The following MROH1 variants were observed in gnomAD, a reference collection of about 807,000 sequenced individuals.
MROH1 encodes the protein maestro heat-like repeat-containing protein family member 1.
In MROH1, 117 loss-of-function variants were observed where a neutral mutation model predicts 116.5. The observed-to-expected ratio is 1.00, with a 90% confidence interval of 0.86 to 1.17. The LOEUF (loss-of-function observed/expected upper bound fraction) is 1.17, where lower values mean the gene tolerates loss of function less well. MROH1 is among the 50% of genes most tolerant of loss of function. MROH1 has a pLI of 0.00. For synonymous variants in MROH1, 921 were observed against 583.9 expected (o/e 1.58, Z -8.32); for missense variants, 1,873 against 1,338.5 (o/e 1.40, Z -6.23).
intron 3 of MROH1, among the ~76,000 whole-genome samples, chr8:144,167,746 A>G (rs1359638853): frequency 6.6e-6 from 1 of 152,146 alleles, no homozygotes; most frequent in Non-Finnish European, 1.5e-5. Context: ...GAGCCATAGG[A>G]TGAGGCTATG....
chr8:144,219,339 G>A (rs1364577448), intron 12 of MROH1, among the ~76,000 whole-genome samples: 1 of 151,910 alleles, frequency 6.6e-6, no homozygotes, highest in East Asian at 1.9e-4. Context: ...GTATTTTTTA[G>A]TACAGAAGGG....
Position 144,247,450 on chromosome 8 carries a change from A to T in MROH1, c.3007+14A>T. The T allele has an allele frequency of 1.3e-6, 1 of 769,730 alleles. No individual in the cohort carries two copies. The highest frequency in any genetic ancestry group is 1.7e-5 in the African/African-American group (1 of 59,028). 47.7% of individuals were successfully genotyped at this position (769,730 alleles called of 1,614,324 possible). ...TCGGCTATGAGGGTGAGCCCTCGTC[A>T]GGAGTGTGGGGGCCAGTGGTCGTGC... On this transcript the variant is annotated intron_variant, in intron 30 of 43. Coordinates refer to ENST00000326134, the MANE Select transcript of MROH1 (RefSeq NM_032450.3).
At position 144,254,895 on chromosome 8, in the gene MROH1, A is replaced by C; in HGVS notation, c.3511A>C (p.Ser1171Arg). Residue 1171 changes from serine (S) to arginine (R), a missense_variant, in exon 34 of 44, where the codon AGT (serine) becomes CGT (arginine). Physicochemically the swap from Ser to Arg is moderately radical, Grantham distance 110. Coordinates refer to ENST00000326134, the MANE Select transcript of MROH1 (RefSeq NM_032450.3). Reference protein sequence around the residue: ...QVLGLLLEKMSRDVPFKESRA... With the variant: ...QVLGLLLEKMRRDVPFKESRA... ...CCTGGGGCTGCTGCTGGAGAAGATGAGTAGGGACGTCCCTTTCAAGGAGAG... is the reference window on the plus strand; with the variant it reads ...CCTGGGGCTGCTGCTGGAGAAGATGCGTAGGGACGTCCCTTTCAAGGAGAG... 1 of 777,870 alleles carries C rather than the reference A, an allele frequency of 1.3e-6. No homozygotes were observed. The allele number at this position is 777,870 out of a possible 1,614,324, so 48.2% of individuals were successfully genotyped here. A position where few individuals can be genotyped will look rare whatever the true frequency, so the allele number is the denominator to read the frequency against.
At chr8:144,207,422 G>A (rs946918526) in intron 12 of MROH1, among the ~76,000 whole-genome samples, 14 of 144,724 alleles carry the variant, frequency 9.7e-5, no homozygotes, top group African/African-American at 3.3e-4. Context: ...TTCTGACCTC[G>A]TGATCTACCC....
At chr8:144,240,040 T>A in intron 18 of MROH1, 61 bp from the exon 19 acceptor site, 1 of 745,282 alleles carries the variant, frequency 1.3e-6, no homozygotes, top group Non-Finnish European at 2.5e-6. Flanking sequence ...GGGCAGGTGC[T>A]GGGCTCTGAG....
Position 144,239,645 on chromosome 8 carries a change from G to A in MROH1, c.1664G>A (p.Gly555Glu), listed in dbSNP as rs1179813421. The change falls in exon 18 of 44, where the codon GGA (glycine) becomes GAA (glutamate). Residue 555 changes from glycine to glutamate, a missense_variant. Coordinates refer to ENST00000326134, the MANE Select transcript of MROH1 (RefSeq NM_032450.3). ...VVSSSPYLGDGRGAAALRLLS... is the reference protein window; with the variant it reads ...VVSSSPYLGDERGAAALRLLS... ...TCTTCCAGCCCCTACCTAGGGGACG[G>A]ACGTGGGGCAGCGGCGCTGCGCCTC... 2.6e-6 allele frequency: 2 copies of A among 769,656 alleles called. No homozygotes were observed. The highest frequency in any genetic ancestry group is 4.8e-6 in the Non-Finnish European group (2 of 413,340). The allele number at this position is 769,656 out of a possible 1,614,324, so 47.7% of individuals were successfully genotyped here. A position where few individuals can be genotyped will look rare whatever the true frequency, so the allele number is the denominator to read the frequency against.
intron 33 of MROH1, chr8:144,252,000 C>T (rs1162081753): frequency 4.3e-6 from 1 of 230,262 alleles, no homozygotes; most frequent in Non-Finnish European, 8.6e-6. Context: ...GTGCCGGGTG[C>T]TGCTGCCCAT....
intron 13 of MROH1, 105 bp downstream of exon 13, chr8:144,220,778 C>CCTTG (rs1836551097): frequency 1.1e-6 from 1 of 951,310 alleles, no homozygotes; most frequent in South Asian, 1.5e-5. Flanking sequence ...CGGCCACCAC[C>CCTTG]CTTGGCTGGA....
rs887149796 is a variant in MROH1 at position 144,259,994 on chromosome 8, C to T, written c.4128C>T (p.Cys1376=). Residue 1376 remains cysteine (C), a synonymous_variant, in exon 38 of 44, where the codon TGC becomes TGT. Coordinates refer to ENST00000326134, the MANE Select transcript of MROH1 (RefSeq NM_032450.3). ...ESLAARQKDT[C]ASVRRLVLRG... is the part of the protein sequence containing the mutation. ...TGGCGGCTCGCCAGAAGGACACATGCGCCAGCGTGCGGAGGCTGGTGCTCC... is the reference window on the plus strand; with the variant it reads ...TGGCGGCTCGCCAGAAGGACACATGTGCCAGCGTGCGGAGGCTGGTGCTCC... 1.3e-4 allele frequency: 93 copies of T among 733,590 alleles called. 1 individual carries two copies. The highest frequency in any genetic ancestry group is 8.6e-4 in the South Asian group (60 of 69,426). 45.4% of individuals were successfully genotyped at this position (733,590 alleles called of 1,614,324 possible).
Position 144,168,404 on chromosome 8 carries a change from C to T in MROH1, c.132C>T (p.Leu44=), listed in dbSNP as rs1342463405. The T allele has an allele frequency of 3.1e-6, 5 of 1,611,288 alleles. No homozygotes were observed. Among genetic ancestry groups the T allele is most frequent in the Non-Finnish European group, 4.2e-6 (5 of 1,179,324 alleles). ...GGGAGGCGCGGCCGGTGGAGACGCT[C>T]CGTGCCTGCGAGGAGTATCTGCGGC... ...SLGEARPVET[L]RACEEYLRQH... is the part of the protein sequence containing the mutation. Residue 44 remains leucine, a synonymous_variant, in exon 4 of 44, where the codon CTC becomes CTT. Coordinates refer to ENST00000326134, the MANE Select transcript of MROH1 (RefSeq NM_032450.3).
chr8:144,205,532 A>ACG (rs960480386), intron 12 of MROH1, among the ~76,000 whole-genome samples: 1 of 151,266 alleles, frequency 6.6e-6, no homozygotes, highest in African/African-American at 2.4e-5. Context: ...ACACACACAC[A>ACG]CACACGCATG....
At chr8:144,234,303 C>T (rs1368113048) in intron 14 of MROH1, among the ~76,000 whole-genome samples, 9 of 151,904 alleles carry the variant, frequency 5.9e-5, no homozygotes, top group East Asian at 1.9e-4. Flanking sequence ...CCACCGCGCC[C>T]GGCTGTAGTT....
Position 144,240,138 on chromosome 8 carries a change from G to A in MROH1, c.1812G>A (p.Glu604=), listed in dbSNP as rs1371263678. ...AGACCCTGCCACAGGAGGAGTGGGA[G>A]GAGAAGCTGTTGATGGTGAGGGCCG... ...TEETLPQEEW[E]EKLLMFLRDT... The change falls in exon 19 of 44, where the codon GAG becomes GAA. Residue 604 remains glutamate (E), a synonymous_variant. Coordinates refer to ENST00000326134, the MANE Select transcript of MROH1 (RefSeq NM_032450.3). 12 of 778,650 alleles carry A rather than the reference G, an allele frequency of 1.5e-5. No homozygotes were observed. Among genetic ancestry groups the A allele is most frequent in the Non-Finnish European group, 2.4e-5 (10 of 417,138 alleles). 48.2% of individuals were successfully genotyped at this position (778,650 alleles called of 1,614,324 possible). A position where few individuals can be genotyped will look rare whatever the true frequency, so the allele number is the denominator to read the frequency against.
intron 10 of MROH1, among the ~76,000 whole-genome samples, chr8:144,194,216 C>A (rs944371934): frequency 6.6e-6 from 1 of 151,766 alleles, no homozygotes; most frequent in Non-Finnish European, 1.5e-5. Context: ...GCACGCACCA[C>A]CACGCCTGGC....
chr8:144,224,185 C>T (rs12542298), intron 14 of MROH1, among the ~76,000 whole-genome samples: 62,371 of 152,032 alleles, frequency 0.41, 15,332 homozygotes, highest in East Asian at 0.72. Context: ...TATTAGAAAA[C>T]GTTATTAAGG....
rs1457017309 is a variant in MROH1, at chr8:144,231,345, T to C, written c.1339-7411T>C. Among the ~76,000 whole-genome samples the C allele has an allele frequency of 3.7e-4, 56 of 152,180 alleles. 1 individual carries two copies. The highest frequency in any genetic ancestry group is 3.5e-3 in the Admixed American group (53 of 15,292). ...TGGGCACACCTCCCAGACGGGGTGG[T>C]GGCCGGGCAGAGGGGCTCCTCACTT... On this transcript the variant is annotated intron_variant, in intron 14 of 43. Transcript: ENST00000326134.
At chr8:144,150,854 A>G (rs1253059683) in intron 1 of MROH1, among the ~76,000 whole-genome samples, 1 of 152,192 alleles carries the variant, frequency 6.6e-6, no homozygotes, top group Non-Finnish European at 1.5e-5. Context: ...CTCCACCACC[A>G]TGGACCTAGA....
Position 144,260,895 on chromosome 8 carries a change from C to T in MROH1, c.4537-12C>T, listed in dbSNP as rs1257990186. 6.0e-5 allele frequency: 47 copies of T among 777,578 alleles called. No individual in the cohort carries two copies. Among genetic ancestry groups the T allele is most frequent in the South Asian group, 3.2e-4 (24 of 74,542 alleles). The allele number at this position is 777,578 out of a possible 1,614,324, so 48.2% of individuals were successfully genotyped here. On this transcript the variant is annotated splice_polypyrimidine_tract_variant and intron_variant, in intron 40 of 43. Coordinates refer to ENST00000326134, the MANE Select transcript of MROH1 (RefSeq NM_032450.3). The stretch of plus-strand genomic sequence containing the variant: ...CCTCAACTGGACTTGGCCCCAGTGC[C>T]GCATCCCTTAGGCCTGCAGGTTTGC...
chr8:144,162,556 G>A (rs1300355460), intron 2 of MROH1, among the ~76,000 whole-genome samples: 2 of 150,814 alleles, frequency 1.3e-5, no homozygotes, highest in African/African-American at 2.4e-5. Flanking sequence ...CCACCAGACT[G>A]GCTAATTTTT....
Sources: gnomAD v4.1 joint callset for allele counts (sites outside exome capture counted in the v4.1 genomes callset) on GRCh38, gnomAD v4.1.1 for gene constraint, MANE v1.5 for transcripts, NCBI Gene and HGNC (gene_info 2026-07-23, HGNC 2026-07-21) for gene names.